The following SDK1 variants were observed in gnomAD, a reference collection of about 807,000 sequenced individuals.
The protein encoded by SDK1 is sidekick cell adhesion molecule 1.
Under a neutral mutation model 245.5 loss-of-function variants are expected in SDK1, and 157 were observed. That is an observed-to-expected ratio of 0.64 (90% CI 0.56 to 0.73). SDK1 has a LOEUF of 0.73. Ranked by LOEUF, SDK1 falls within the 30% of genes least tolerant of loss-of-function variation. The pLI is 0.00. For missense variants in SDK1, 3,583 were observed against 3,002.3 expected (o/e 1.19, Z -4.52); for synonymous variants, 1,647 against 1,278.5 (o/e 1.29, Z -6.15).
chr7:3,614,819 T>A (rs1014581726), intron 1 of SDK1, among the ~76,000 whole-genome samples: 1 of 144,066 alleles, frequency 6.9e-6, no homozygotes, highest in African/African-American at 2.4e-5. Context: ...CTTCTCCTTA[T>A]AATGAATGTT....
intron 1 of SDK1, among the ~76,000 whole-genome samples, chr7:3,440,839 G>A (rs1202706167): frequency 6.6e-6 from 1 of 152,198 alleles, no homozygotes; most frequent in Non-Finnish European, 1.5e-5. Context: ...CTTAGTTAAG[G>A]TGGAAAGGTA....
At chr7:3,670,937 G>A (rs192237065) in intron 4 of SDK1, among the ~76,000 whole-genome samples, 1 of 152,300 alleles carries the variant, frequency 6.6e-6, no homozygotes, top group East Asian at 1.9e-4. Context: ...TACAAGGACA[G>A]GTCGTCTATT....
intron 17 of SDK1, among the ~76,000 whole-genome samples, chr7:4,021,311 CTCAG>C (rs1786876893): frequency 6.6e-6 from 1 of 152,134 alleles, no homozygotes. Context: ...TTGAAGAGTC[CTCAG>C]TCAGCACCCA....
At chr7:4,152,447 T>G (rs1267296032) in intron 30 of SDK1, among the ~76,000 whole-genome samples, 1 of 152,140 alleles carries the variant, frequency 6.6e-6, no homozygotes, top group Non-Finnish European at 1.5e-5. Context: ...CATATATAAA[T>G]AACCTCACCC....
intron 38 of SDK1, among the ~76,000 whole-genome samples, chr7:4,210,491 C>A (rs180903410): frequency 1.3e-5 from 2 of 152,142 alleles, no homozygotes; most frequent in African/African-American, 2.4e-5. Flanking sequence ...CTATTCCTCC[C>A]GAGATGTTTG....
intron 22 of SDK1, among the ~76,000 whole-genome samples, chr7:4,103,316 T>G (rs182775479): frequency 8.5e-5 from 13 of 152,276 alleles, no homozygotes; most frequent in African/African-American, 3.1e-4. Flanking sequence ...AGAGCTTTGA[T>G]TTGTTTTATC....
chr7:3,848,391 C>T (rs890819055), intron 5 of SDK1, among the ~76,000 whole-genome samples: 12 of 152,152 alleles, frequency 7.9e-5, no homozygotes, highest in Admixed American at 7.2e-4. Flanking sequence ...TCCTTACGTC[C>T]TTCAGATGCA....
At chr7:4,136,928 C>T (rs1034657590) in intron 28 of SDK1, among the ~76,000 whole-genome samples, 3 of 152,240 alleles carry the variant, frequency 2.0e-5, no homozygotes, top group South Asian at 2.1e-4. Context: ...CATCTAGGCT[C>T]GGCCAGCGTG....
chr7:3,615,787 A>T (rs1781748886), intron 1 of SDK1, among the ~76,000 whole-genome samples: 1 of 150,498 alleles, frequency 6.6e-6, no homozygotes, highest in Admixed American at 6.7e-5. Context: ...TCCTCCCACT[A>T]TTCCACGCCC....
At position 3,971,548 on chromosome 7, in the gene SDK1, T is replaced by G. The variant is rs765913144; in HGVS notation, c.1797T>G (p.His599Gln). The change falls in exon 12 of 45, where the codon CAT becomes CAG. Residue 599 changes from histidine to glutamine, a missense_variant. His to Gln is a conservative substitution (Grantham distance 24). Coordinates refer to ENST00000404826, the MANE Select transcript of SDK1 (RefSeq NM_152744.4). ...TTATLHCGATHDPRVSLRYVW... is the reference protein window; with the variant it reads ...TTATLHCGATQDPRVSLRYVW... ...CCACGCTGCACTGTGGTGCCACACA[T>G]GACCCCCGGGTTTCACTCCGGTCAG... 6.2e-7 allele frequency: 1 copy of G among 1,612,724 alleles called. No homozygotes were observed. Among genetic ancestry groups the G allele is most frequent in the Non-Finnish European group, 8.5e-7 (1 of 1,179,330 alleles).
At chr7:3,346,204 C>G (rs1051121799) in intron 1 of SDK1, among the ~76,000 whole-genome samples, 1 of 152,140 alleles carries the variant, frequency 6.6e-6, no homozygotes, top group African/African-American at 2.4e-5. Flanking sequence ...CATAATAAAG[C>G]TGATTGTGCC....
Position 4,212,626 on chromosome 7 carries a change from G to A in SDK1, c.5539+2464G>A, listed in dbSNP as rs561178448. ...AGGGGGCCTGGACGAGGCTGCCTTC[G>A]AGGTCCCACAGCAGAGGCCCAGAAG... On this transcript the variant is annotated intron_variant, in intron 38 of 44. Coordinates refer to ENST00000404826, the MANE Select transcript of SDK1 (RefSeq NM_152744.4). Among the ~76,000 whole-genome samples the A allele has an allele frequency of 3.3e-5, 5 of 152,280 alleles. No individual in the cohort carries two copies. In the South Asian group the frequency reaches 1.0e-3, roughly 32 times the overall value.
chr7:3,566,224 C>CTTTT (rs568790658), intron 1 of SDK1, among the ~76,000 whole-genome samples: 7 of 125,412 alleles, frequency 5.6e-5, no homozygotes, highest in East Asian at 2.3e-4. Flanking sequence ...TAAACTTCTT[C>CTTTT]TTTTTTTTTT....
chr7:3,469,304 A>T (rs187419147), intron 1 of SDK1, among the ~76,000 whole-genome samples: 1 of 152,196 alleles, frequency 6.6e-6, no homozygotes, highest in East Asian at 1.9e-4. Context: ...GGTAGCACAC[A>T]CTTGTCGTCC....
chr7:4,087,249 G>A (rs375441491), intron 22 of SDK1, among the ~76,000 whole-genome samples: 4 of 152,074 alleles, frequency 2.6e-5, no homozygotes, highest in East Asian at 1.9e-4. Context: ...AAATAGCTAC[G>A]TAATTGCCTC....
At chr7:3,995,346 A>C (rs1248383468) in intron 14 of SDK1, among the ~76,000 whole-genome samples, 1 of 151,598 alleles carries the variant, frequency 6.6e-6, no homozygotes, top group South Asian at 2.1e-4. Context: ...GTGCTACCCC[A>C]TCTCCTCCCC....
At chr7:3,583,835 G>C (rs1238076199) in intron 1 of SDK1, among the ~76,000 whole-genome samples, 4 of 152,126 alleles carry the variant, frequency 2.6e-5, no homozygotes, top group African/African-American at 7.2e-5. Flanking sequence ...GAGAAAGAAG[G>C]TGGCAGGCAT....
chr7:3,616,935 A>G (rs1463614930), intron 1 of SDK1, among the ~76,000 whole-genome samples: 2 of 152,200 alleles, frequency 1.3e-5, no homozygotes, highest in Non-Finnish European at 2.9e-5. Flanking sequence ...TTTCCGTATT[A>G]AGGAAATATG....
At chr7:3,995,816 G>C (rs1344849957) in intron 14 of SDK1, among the ~76,000 whole-genome samples, 1 of 121,608 alleles carries the variant, frequency 8.2e-6, no homozygotes, top group Non-Finnish European at 1.7e-5. Flanking sequence ...CAAGGCCTTA[G>C]GGATTTTTTT....
Sources: gnomAD v4.1 joint callset for allele counts (sites outside exome capture counted in the v4.1 genomes callset) on GRCh38, gnomAD v4.1.1 for gene constraint, MANE v1.5 for transcripts, NCBI Gene and HGNC (gene_info 2026-07-23, HGNC 2026-07-21) for gene names.